The following SRP54 variants were observed in gnomAD, a reference collection of about 807,000 sequenced individuals.
The protein encoded by SRP54 is signal recognition particle subunit SRP54.
A neutral mutation model predicts 64.8 loss-of-function variants in SRP54; 10 were observed. The ratio of observed to expected loss-of-function variants is 0.15; its 90% CI spans 0.10 to 0.26. The LOEUF is 0.26. Ranked by LOEUF, SRP54 falls within the 10% of genes least tolerant of loss-of-function variation. The pLI is 1.00. For synonymous variants in SRP54, 193 were observed against 185.6 expected (o/e 1.04, Z -0.32); for missense variants, 325 against 613.7 (o/e 0.53, Z 4.97).
intron 1 of SRP54, among the ~76,000 whole-genome samples, chr14:34,983,740 G>A (rs1190310089): frequency 6.6e-6 from 1 of 152,166 alleles, no homozygotes; most frequent in Non-Finnish European, 1.5e-5. Context: ...ATCCTCACCT[G>A]ATTCTTTCAC....
At chr14:35,026,007 G>C (rs2044614715) in intron 14 of SRP54, among the ~76,000 whole-genome samples, 1 of 148,570 alleles carries the variant, frequency 6.7e-6, no homozygotes, top group South Asian at 2.1e-4. Flanking sequence ...AGTGAGCCAT[G>C]ATCAGAGCAC....
In SRP54 at chr14:35,008,708, T is replaced by G. The variant is rs2044306328; in HGVS notation, c.427+15T>G. The G allele has an allele frequency of 6.2e-7, 1 of 1,605,660 alleles. No individual in the cohort carries two copies. The highest frequency in any genetic ancestry group is 8.5e-7 in the Non-Finnish European group (1 of 1,176,784). The stretch of plus-strand genomic sequence containing the variant: ...ATTCAGAGCAGGTAATGTCTTGAAA[T>G]TTGAAAATTGTTTTATATAATTTTT... On this transcript the variant is annotated intron_variant, in intron 6 of 15. Coordinates refer to ENST00000216774, the MANE Select transcript of SRP54 (RefSeq NM_003136.4).
intron 1 of SRP54, chr14:34,993,569 G>A (rs541317092): frequency 6.6e-6 from 1 of 152,140 alleles, no homozygotes; most frequent in East Asian, 1.9e-4. Context: ...ATATCTGTTT[G>A]CCAGTGATAG....
rs1321211257 is a variant in SRP54 at position 35,009,946 on chromosome 14, G to A, written c.485+1115G>A. On this transcript the variant is annotated intron_variant, in intron 7 of 15. Coordinates refer to ENST00000216774, the MANE Select transcript of SRP54 (RefSeq NM_003136.4). ...GGGCGGATTATGAGGTCAGGAGTTC[G>A]AGACCAGCCTGGCCAACACAGTGAA... Among the ~76,000 whole-genome samples, 7 of 151,764 alleles carry A rather than the reference G, an allele frequency of 4.6e-5. No individual in the cohort carries two copies. The East Asian group carries it at 7.7e-4, about 17-fold the overall frequency.
intron 10 of SRP54, 67 bp from the exon 11 acceptor site, chr14:35,014,677 T>G: frequency 8.6e-7 from 1 of 1,168,550 alleles, no homozygotes; most frequent in Non-Finnish European, 1.3e-6. Flanking sequence ...TGTATGTGAA[T>G]GTGTTTTGTA....
chr14:35,016,638 C>G (rs1314129422), intron 11 of SRP54, among the ~76,000 whole-genome samples: 2 of 152,126 alleles, frequency 1.3e-5, no homozygotes, highest in Non-Finnish European at 2.9e-5. Flanking sequence ...CTATCACTTC[C>G]TACAATTAAT....
intron 13 of SRP54, among the ~76,000 whole-genome samples, chr14:35,021,969 AAAC>A (rs2044538013): frequency 6.6e-6 from 1 of 152,252 alleles, no homozygotes; most frequent in African/African-American, 2.4e-5. Flanking sequence ...AAGAGTGATC[AAAC>A]AACTGCGGGA....
At chr14:35,022,565 C>T (rs1474203181) in intron 13 of SRP54, among the ~76,000 whole-genome samples, 1 of 152,130 alleles carries the variant, frequency 6.6e-6, no homozygotes, top group Non-Finnish European at 1.5e-5. Flanking sequence ...CCATATTGGC[C>T]AGGCTGGTGT....
chr14:35,029,040 A>G (rs759121492), intron 15 of SRP54, 21 bp from the exon 16 acceptor site: 19 of 1,594,098 alleles, frequency 1.2e-5, no homozygotes, highest in Non-Finnish European at 1.4e-5. Context: ...TTTTAACTCT[A>G]CTTCCCTACT....
chr14:34,999,456 G>GGT, intron 2 of SRP54, 102 bp from the exon 3 acceptor site: 1 of 738,402 alleles, frequency 1.4e-6, no homozygotes, highest in Non-Finnish European at 2.3e-6. Flanking sequence ...CCAGTAGTGT[G>GGT]GTATTACTAA....
At chr14:35,010,102 C>T (rs780997336) in intron 7 of SRP54, among the ~76,000 whole-genome samples, 3 of 150,532 alleles carry the variant, frequency 2.0e-5, no homozygotes, top group Admixed American at 6.6e-5. Flanking sequence ...GAGCCGAGAT[C>T]GTGCCACTAC....
In SRP54 at chr14:35,013,851, A is replaced by G. The variant is rs768022021; in HGVS notation, c.835A>G (p.Ile279Val). Residue 279 changes from isoleucine to valine, a missense_variant, in exon 10 of 16, where the codon ATA becomes GTA. By Grantham distance (29) the Ile-to-Val change is conservative. Around this residue, in one of 3 missense-constraint regions of SRP54, gnomAD observed 146 missense variants for 337.4 expected, o/e 0.43. Transcript: ENST00000216774. Reference protein sequence around the residue: ...PIIFIGTGEHIDDFEPFKTQP... With the variant: ...PIIFIGTGEHVDDFEPFKTQP... ...TATTTTCATTGGTACAGGGGAACAT[A>G]TAGATGACTTTGAACCTTTCAAAAC... 1.3e-5 allele frequency: 21 copies of G among 1,613,958 alleles called. No individual in the cohort carries two copies. The highest frequency in any genetic ancestry group is 1.0e-4 in the Admixed American group (6 of 59,990).
chr14:35,008,568 T>A (rs1416661983), intron 5 of SRP54, 59 bp from the exon 6 acceptor site: 9 of 1,155,338 alleles, frequency 7.8e-6, no homozygotes, highest in South Asian at 6.5e-5. Context: ...ACAGAAAAAA[T>A]TATATGTATA....
In SRP54 at chr14:35,008,763, T is replaced by A. The variant is rs1419840653; in HGVS notation, c.428-11T>A. The A allele has an allele frequency of 6.2e-7, 1 of 1,607,706 alleles. No homozygotes were observed. The highest frequency in any genetic ancestry group is 8.5e-7 in the Non-Finnish European group (1 of 1,178,248). On this transcript the variant is annotated splice_polypyrimidine_tract_variant and intron_variant, in intron 6 of 15. Coordinates refer to ENST00000216774, the MANE Select transcript of SRP54 (RefSeq NM_003136.4). ...TCAAGTTTGAGGATTCATGAACTCT[T>A]TATCTTCCAGGGGCTTTTGACCAAC... is the stretch of plus-strand genomic sequence containing the variant.
chr14:35,007,262 T>A, intron 4 of SRP54, 21 bp from the exon 5 acceptor site: 4 of 1,502,912 alleles, frequency 2.7e-6, no homozygotes, highest in South Asian at 1.2e-5. Context: ...ATTTTATTTT[T>A]AATTTATTTT....
In SRP54 at chr14:34,988,582, T is replaced by A. The variant is rs1481574493; in HGVS notation, c.-34+5367T>A. Reference sequence around the variant, plus strand: ...TCTCAAAAAAAAAAAAAAAAAAATATATATATATATATAACATATATATAT... The same window carrying A: ...TCTCAAAAAAAAAAAAAAAAAAATAAATATATATATATAACATATATATAT... On this transcript the variant is annotated intron_variant, in intron 1 of 15. Transcript: ENST00000216774. 3.1e-3 allele frequency among the ~76,000 whole-genome samples: 108 copies of A among 34,872 alleles called. 2 individuals carry two copies. The highest frequency in any genetic ancestry group is 7.5e-3 in the East Asian group (8 of 1,062). 22.9% of individuals were successfully genotyped at this position (34,872 alleles called of 152,430 possible).
rs1240284368 is a variant in SRP54 at position 35,029,273 on chromosome 14, C to A, written c.*121C>A. ...TTTTCTTGCTTATCATGCACTCTTT[C>A]CTTTTCTTCTCGCCCGCTTTTCCCC... On this transcript the variant is annotated 3_prime_UTR_variant, in exon 16 of 16. Transcript: ENST00000216774. 23 of 619,940 alleles carry A rather than the reference C, an allele frequency of 3.7e-5. No individual in the cohort carries two copies. In the East Asian group the frequency reaches 3.8e-4, roughly 10 times the overall value. The allele number at this position is 619,940 out of a possible 1,614,324, so 38.4% of individuals were successfully genotyped here.
chr14:35,012,581 G>A (rs1023699639), intron 8 of SRP54, among the ~76,000 whole-genome samples: 5 of 152,150 alleles, frequency 3.3e-5, no homozygotes, highest in African/African-American at 1.2e-4. Flanking sequence ...CTTCTACTTT[G>A]ATTTGCCTTT....
intron 2 of SRP54, among the ~76,000 whole-genome samples, chr14:34,997,405 C>T (rs2044087544): frequency 1.3e-5 from 2 of 152,118 alleles, no homozygotes; most frequent in African/African-American, 4.8e-5. Context: ...CTGTGGTTCA[C>T]AAGTATACTT....
Sources: allele counts gnomAD v4.1 joint callset (sites outside exome capture counted in the v4.1 genomes callset), GRCh38; gene constraint gnomAD v4.1.1; regional missense constraint gnomAD v4.1.1; transcripts MANE v1.5; gene names NCBI Gene and HGNC (gene_info 2026-07-23, HGNC 2026-07-21).